TVP23B: variants seen among roughly 807,000 people sequenced by gnomAD.
TVP23B encodes Golgi apparatus membrane protein TVP23 homolog B.
TVP23B carries 10 observed loss-of-function variants against 30.6 expected under a neutral mutation model. The observed-to-expected ratio is 0.33, with a 90% CI of 0.20 to 0.55. The LOEUF (loss-of-function observed/expected upper bound fraction) is 0.55. Ranked by LOEUF, TVP23B falls within the 20% of genes least tolerant of loss-of-function variation. The pLI is 0.91. For synonymous variants in TVP23B, 67 were observed against 83.1 expected (o/e 0.81, Z 1.06); for missense variants, 153 against 243.2 (o/e 0.63, Z 2.47).
intron 3 of TVP23B, among the ~76,000 whole-genome samples, 163 bp downstream of exon 3, chr17:18,791,203 T>TTTTTTTTTTC (rs2035989358): frequency 6.8e-6 from 1 of 146,856 alleles, no homozygotes; most frequent in Non-Finnish European, 1.5e-5. Context: ...TTTTTTTTTT[T>TTTTTTTTTTC]TTTTTTTTTC....
chr17:18,785,981 T>G (rs2035899538), intron 1 of TVP23B, among the ~76,000 whole-genome samples: 1 of 152,094 alleles, frequency 6.6e-6, no homozygotes, highest in Admixed American at 6.5e-5. Context: ...CATCAAGGTG[T>G]GGGTAGGGGT....
rs780525423 is a variant in TVP23B at position 18,798,886 on chromosome 17, A to G, written c.405A>G (p.Pro135=). ...RIFWLGLIAC[P]VLWVIFAFSA... Reference sequence around the variant, plus strand: ...TTTGGTTGGGACTTATTGCCTGTCCAGTACTGTGGGTGATATTTGCTTTTA... The same window carrying G: ...TTTGGTTGGGACTTATTGCCTGTCCGGTACTGTGGGTGATATTTGCTTTTA... The change falls in exon 5 of 7, where the codon CCA becomes CCG. Residue 135 remains proline, a synonymous_variant. Transcript: ENST00000307767. 1.2e-5 allele frequency: 19 copies of G among 1,613,686 alleles called. No homozygotes were observed. The highest frequency in any genetic ancestry group is 1.6e-4 in the Middle Eastern group (1 of 6,080).
intron 4 of TVP23B, 32 bp downstream of exon 4, chr17:18,797,700 A>G: frequency 2.7e-6 from 4 of 1,495,860 alleles, no homozygotes; most frequent in Non-Finnish European, 2.7e-6. Context: ...AAATAATGTT[A>G]TCAGCTAAAT....
intron 1 of TVP23B, among the ~76,000 whole-genome samples, chr17:18,786,648 T>TTTTG (rs535711057): frequency 0.03 from 4,550 of 152,176 alleles, 74 homozygotes; most frequent in Non-Finnish European, 0.046. Flanking sequence ...ATCAGCCTTT[T>TTTTG]TTTGTTTGTT....
chr17:18,795,454 A>G (rs1249055483), intron 3 of TVP23B, among the ~76,000 whole-genome samples: 3 of 152,150 alleles, frequency 2.0e-5, no homozygotes, highest in Non-Finnish European at 4.4e-5. Flanking sequence ...ACCAAGTCCC[A>G]TAAATCCATA....
At chr17:18,795,224 A>G (rs1462749479) in intron 3 of TVP23B, among the ~76,000 whole-genome samples, 2 of 151,494 alleles carry the variant, frequency 1.3e-5, no homozygotes, top group African/African-American at 2.4e-5. Flanking sequence ...TCAGGGTTTC[A>G]CTATGTTAGC....
chr17:18,791,186 A>ATTTTT (rs2035987112), intron 3 of TVP23B, 146 bp downstream of exon 3: 14 of 114,622 alleles, frequency 1.2e-4, no homozygotes, highest in East Asian at 5.0e-4. Context: ...AATTGCATGT[A>ATTTTT]GTTTTTTTTT....
At chr17:18,787,031 C>G (rs904495450) in intron 1 of TVP23B, among the ~76,000 whole-genome samples, 1 of 149,368 alleles carries the variant, frequency 6.7e-6, no homozygotes, top group African/African-American at 2.5e-5. Context: ...TGCTTATTTA[C>G]TCATGCCTTC....
chr17:18,795,850 TTTC>T (rs2036068945), intron 3 of TVP23B: 1 of 152,144 alleles, frequency 6.6e-6, no homozygotes, highest in South Asian at 2.1e-4. Flanking sequence ...TCTATTTTTA[TTTC>T]TTATTAATCT....
At chr17:18,801,307 T>G (rs2532467) in intron 5 of TVP23B, among the ~76,000 whole-genome samples, 68,245 of 146,006 alleles carry the variant, frequency 0.47, 14,761 homozygotes, top group East Asian at 0.78. Flanking sequence ...ATACTATGCT[T>G]CTTTTTTCTT....
At chr17:18,802,074 T>A (rs1006501227) in intron 5 of TVP23B, among the ~76,000 whole-genome samples, 28 of 151,860 alleles carry the variant, frequency 1.8e-4, no homozygotes, top group Admixed American at 1.5e-3. Context: ...TACAAAAAAT[T>A]AGCCGGGTGT....
chr17:18,791,686 C>A (rs1441973160), intron 3 of TVP23B, among the ~76,000 whole-genome samples: 5 of 151,734 alleles, frequency 3.3e-5, no homozygotes, highest in Non-Finnish European at 5.9e-5. Flanking sequence ...CTACCTGACC[C>A]AAAATGTCAG....
At chr17:18,788,842 A>G (rs572496592) in intron 1 of TVP23B, among the ~76,000 whole-genome samples, 128 of 152,224 alleles carry the variant, frequency 8.4e-4, no homozygotes, top group African/African-American at 2.9e-3. Flanking sequence ...GTGTAAATAC[A>G]GGGGAAAATG....
chr17:18,804,746 G>A (rs2036222348), intron 6 of TVP23B: 3 of 400,988 alleles, frequency 7.5e-6, no homozygotes, highest in South Asian at 7.6e-5. Context: ...ATGCCACCAC[G>A]CCCAGCTAAT....
chr17:18,788,707 G>A (rs978318352), intron 1 of TVP23B, among the ~76,000 whole-genome samples: 4 of 151,892 alleles, frequency 2.6e-5, no homozygotes, highest in African/African-American at 7.3e-5. Context: ...GTTTGAACCC[G>A]GGAGGCGGAG....
At chr17:18,788,330 CAAAAAAAA>C (rs961283447) in intron 1 of TVP23B, among the ~76,000 whole-genome samples, 1 of 67,360 alleles carries the variant, frequency 1.5e-5, no homozygotes, top group African/African-American at 5.7e-5. Flanking sequence ...GACTCCATCT[CAAAAAAAA>C]AAAAAAAAAA....
chr17:18,781,512 A>G (rs1265446176), intron 1 of TVP23B: 6 of 876,076 alleles, frequency 6.8e-6, no homozygotes, highest in Admixed American at 3.0e-5. Context: ...CGTGCGGCGC[A>G]GAGCAAGTAC....
chr17:18,796,014 ATACTT>A (rs1200139447), intron 3 of TVP23B: 1 of 149,628 alleles, frequency 6.7e-6, no homozygotes, highest in African/African-American at 2.5e-5. Context: ...GAGGACTACT[ATACTT>A]TATGAATTTA....
intron 5 of TVP23B, among the ~76,000 whole-genome samples, chr17:18,803,445 C>G (rs1478466299): frequency 2.6e-5 from 4 of 152,190 alleles, no homozygotes; most frequent in Non-Finnish European, 5.9e-5. Context: ...CACATTGTCT[C>G]AATTTTTCTA....
Sources: gnomAD v4.1 joint callset for allele counts (sites outside exome capture counted in the v4.1 genomes callset) on GRCh38, gnomAD v4.1.1 for gene constraint, MANE v1.5 for transcripts, NCBI Gene and HGNC (gene_info 2026-07-23, HGNC 2026-07-21) for gene names.